SLC25A12: variants seen among roughly 807,000 people sequenced by gnomAD.
SLC25A12 encodes solute carrier family 25 member 12.
Under a neutral mutation model 83.3 loss-of-function variants are expected in SLC25A12, and 32 were observed. The ratio of observed to expected loss-of-function variants is 0.38; its 90% CI spans 0.29 to 0.52. SLC25A12 has a LOEUF of 0.52. Among genes scored for constraint, SLC25A12 ranks in the 20% least tolerant of loss-of-function variants. The pLI, the probability that SLC25A12 is intolerant of heterozygous loss-of-function variation, is 0.84. For missense variants in SLC25A12, 611 were observed against 835.6 expected, an observed-to-expected ratio of 0.73 and a Z score of 3.31; for synonymous variants, 267 against 291.1, an observed-to-expected ratio of 0.92 and a Z score of 0.84.
chr2:171,866,943 C>T (rs1219468991), intron 3 of SLC25A12, among the ~76,000 whole-genome samples: 1 of 150,288 alleles, frequency 6.7e-6, no homozygotes, highest in Non-Finnish European at 1.5e-5. Flanking sequence ...GGAGGGTCTC[C>T]TCACTTCTCT....
chr2:171,886,595 A>T (rs1003684102), intron 2 of SLC25A12, among the ~76,000 whole-genome samples: 1 of 151,278 alleles, frequency 6.6e-6, no homozygotes. Flanking sequence ...CTGCAACCTC[A>T]GCCTCCCAGG....
At chr2:171,831,266 C>T (rs1418099210) in intron 8 of SLC25A12, among the ~76,000 whole-genome samples, 1 of 152,162 alleles carries the variant, frequency 6.6e-6, no homozygotes, top group African/African-American at 2.4e-5. Flanking sequence ...AGGAGAAACC[C>T]CTGTTTTCCT....
At chr2:171,881,922 T>A (rs954251836) in intron 2 of SLC25A12, among the ~76,000 whole-genome samples, 1 of 151,564 alleles carries the variant, frequency 6.6e-6, no homozygotes, top group Non-Finnish European at 1.5e-5. Context: ...AGAGAAAAAA[T>A]TTTTCTGAAG....
At chr2:171,802,576 A>G (rs1683731390) in intron 13 of SLC25A12, among the ~76,000 whole-genome samples, 1 of 152,096 alleles carries the variant, frequency 6.6e-6, no homozygotes, top group African/African-American at 2.4e-5. Flanking sequence ...GAAGATCGAG[A>G]CCATCCTGGC....
chr2:171,844,666 G>A (rs1361723289), intron 4 of SLC25A12, among the ~76,000 whole-genome samples, 158 bp from the exon 5 acceptor site: 1 of 152,134 alleles, frequency 6.6e-6, no homozygotes, highest in East Asian at 1.9e-4. Flanking sequence ...CAGAAACCAT[G>A]CGCAGGAACA....
At position 171,800,080 on chromosome 2, in the gene SLC25A12, A is replaced by G. The variant is rs1486678249; in HGVS notation, c.1306-6313T>C. On this transcript the variant is annotated intron_variant, in intron 13 of 17. Coordinates refer to ENST00000422440, the MANE Select transcript of SLC25A12 (RefSeq NM_003705.5). ...TATTCTGCTTTGTTAATTTGAAAAGATATTTAAATTTATTCTCCCTTAAGT... is the reference window on the plus strand; with the variant it reads ...TATTCTGCTTTGTTAATTTGAAAAGGTATTTAAATTTATTCTCCCTTAAGT... Among the ~76,000 whole-genome samples, 7 of 152,342 alleles carry G rather than the reference A, an allele frequency of 4.6e-5. No homozygotes were observed. The East Asian group carries it at 1.2e-3, about 25-fold the overall frequency.
At chr2:171,824,967 C>G (rs977460999) in intron 9 of SLC25A12, among the ~76,000 whole-genome samples, 1 of 151,778 alleles carries the variant, frequency 6.6e-6, no homozygotes, top group Non-Finnish European at 1.5e-5. Context: ...TCACGCCTGG[C>G]TAATTTTTTG....
intron 2 of SLC25A12, among the ~76,000 whole-genome samples, chr2:171,874,505 A>AG (rs1413876831): frequency 2.6e-5 from 4 of 152,212 alleles, no homozygotes; most frequent in Non-Finnish European, 1.5e-5. Flanking sequence ...ATGATAAAAG[A>AG]GGGGGGAGCA....
chr2:171,852,724 T>G, intron 4 of SLC25A12: 2 of 453,386 alleles, frequency 4.4e-6, no homozygotes, highest in South Asian at 3.1e-5. Context: ...TACTTCCTTA[T>G]GCATAAATTC....
At chr2:171,830,154 A>G (rs1053796829) in intron 8 of SLC25A12, among the ~76,000 whole-genome samples, 19 of 152,148 alleles carry the variant, frequency 1.2e-4, no homozygotes, top group African/African-American at 4.6e-4. Flanking sequence ...CTTCAGTATG[A>G]ACTCTCTTGT....
chr2:171,794,623 A>G (rs1683559513), intron 13 of SLC25A12, among the ~76,000 whole-genome samples: 1 of 151,900 alleles, frequency 6.6e-6, no homozygotes. Context: ...AACTTCTACC[A>G]ACTTCTTTTT....
At chr2:171,842,572 T>C (rs192741750) in intron 5 of SLC25A12, among the ~76,000 whole-genome samples, 1 of 152,192 alleles carries the variant, frequency 6.6e-6, no homozygotes, top group Admixed American at 6.5e-5. Flanking sequence ...CCAGCCTGGA[T>C]AACAAGAGCG....
intron 3 of SLC25A12, among the ~76,000 whole-genome samples, chr2:171,867,280 G>A (rs2105916203): frequency 6.7e-6 from 1 of 150,252 alleles, no homozygotes; most frequent in East Asian, 2.0e-4. Context: ...GCCAAGGCAG[G>A]CGGCTGGGAG....
intron 6 of SLC25A12, 69 bp from the exon 7 acceptor site, chr2:171,834,934 T>C (rs1684524522): frequency 6.6e-7 from 1 of 1,526,168 alleles, no homozygotes; most frequent in Non-Finnish European, 8.9e-7. Flanking sequence ...GACACTGTAC[T>C]TTTCTCAAAG....
At chr2:171,872,861 C>T (rs1685485593) in intron 2 of SLC25A12, among the ~76,000 whole-genome samples, 1 of 152,058 alleles carries the variant, frequency 6.6e-6, no homozygotes, top group Non-Finnish European at 1.5e-5. Flanking sequence ...AAAATACCCC[C>T]CCTTTTTTTT....
At chr2:171,876,546 G>C (rs201054742) in intron 2 of SLC25A12, among the ~76,000 whole-genome samples, 53 of 82,974 alleles carry the variant, frequency 6.4e-4, no homozygotes, top group African/African-American at 1.4e-3. Context: ...TTTTTTTTGG[G>C]GGGGGGGGGA....
intron 7 of SLC25A12, 52 bp downstream of exon 7, chr2:171,834,675 A>G: frequency 6.3e-7 from 1 of 1,588,518 alleles, no homozygotes; most frequent in Non-Finnish European, 8.6e-7. Flanking sequence ...TGCCTCAGTG[A>G]AGAAAAGTGA....
chr2:171,787,107 AG>A (rs1690502626), intron 17 of SLC25A12, among the ~76,000 whole-genome samples: 1 of 152,176 alleles, frequency 6.6e-6, no homozygotes, highest in African/African-American at 2.4e-5. Context: ...TGGGAGGCCA[AG>A]GCTGGTGGAG....
chr2:171,852,729 A>G (rs566477655), intron 4 of SLC25A12: 81 of 452,814 alleles, frequency 1.8e-4, no homozygotes, highest in Middle Eastern at 3.3e-4. Flanking sequence ...CCTTATGCAT[A>G]AATTCTGTAG....
Sources: allele counts gnomAD v4.1 joint callset (sites outside exome capture counted in the v4.1 genomes callset), GRCh38; gene constraint gnomAD v4.1.1; transcripts MANE v1.5; gene names NCBI Gene and HGNC (gene_info 2026-07-23, HGNC 2026-07-21).